Variants in KIF27 observed in about 807,000 individuals in gnomAD.
KIF27 encodes kinesin-like protein KIF27.
A neutral mutation model predicts 141.8 loss-of-function variants in KIF27; 84 were observed. The observed-to-expected ratio is 0.59, with a 90% CI of 0.50 to 0.71. KIF27 has a LOEUF of 0.71. KIF27 is among the 30% of genes least tolerant of loss of function. The pLI, the probability that KIF27 is intolerant of heterozygous loss-of-function variation, is 0.00. For missense variants in KIF27, 1,306 were observed against 1,628.4 expected, an observed-to-expected ratio of 0.80 and a Z score of 3.41; for synonymous variants, 471 against 569.5, an observed-to-expected ratio of 0.83 and a Z score of 2.46.
At chr9:83,855,131 T>TTTAA (rs1164116363) in intron 14 of KIF27, 1 of 151,952 alleles carries the variant, frequency 6.6e-6, no homozygotes, top group East Asian at 1.9e-4. Flanking sequence ...ACCTCTTGGG[T>TTTAA]TTAAGCAATT....
intron 2 of KIF27, 53 bp from the exon 3 acceptor site, chr9:83,908,705 T>C: frequency 9.1e-7 from 1 of 1,102,986 alleles, no homozygotes; most frequent in South Asian, 1.7e-5. Flanking sequence ...AAAGCAAAGC[T>C]ACAACCCCAA....
At chr9:83,861,421 T>C (rs1376204474) in intron 13 of KIF27, among the ~76,000 whole-genome samples, 1 of 150,534 alleles carries the variant, frequency 6.6e-6, no homozygotes, top group Non-Finnish European at 1.5e-5. Context: ...TGAGTGAGAA[T>C]ATGCGGTGTT....
At chr9:83,920,707 C>T (rs1420804524) in intron 1 of KIF27, among the ~76,000 whole-genome samples, 1 of 152,146 alleles carries the variant, frequency 6.6e-6, no homozygotes, top group East Asian at 1.9e-4. Context: ...ACACTGGAGA[C>T]TTAAAAGGTG....
intron 5 of KIF27, among the ~76,000 whole-genome samples, chr9:83,893,239 T>A (rs1391379463): frequency 8.5e-5 from 13 of 152,132 alleles, no homozygotes; most frequent in Admixed American, 4.6e-4. Context: ...TCTGTCATAG[T>A]GGGAGATTTT....
chr9:83,901,317 T>C (rs1953865205), intron 4 of KIF27, among the ~76,000 whole-genome samples: 1 of 152,196 alleles, frequency 6.6e-6, no homozygotes, highest in South Asian at 2.1e-4. Context: ...TCAAATCTCA[T>C]ATTTCAAGTA....
At position 83,899,736 on chromosome 9, in the gene KIF27, T is replaced by G; in HGVS notation, c.1527A>C (p.Gln509His). The change falls in exon 5 of 18, where the codon CAA (glutamine) becomes CAC (histidine). Residue 509 changes from glutamine (Q) to histidine (H), a missense_variant. By Grantham distance (24) the Gln-to-His change is conservative. Around this residue, in one of 4 missense-constraint regions of KIF27, gnomAD observed 29 missense variants for 60.3 expected, o/e 0.48. Transcript: ENST00000297814. ...KELEVKELKN[Q>H]VQMMVQENKG... Reference sequence around the variant, plus strand: ...TGTTTTCCTGTACCATCATCTGCACTTGATTCTTCAGTTCCTTCACCTCCA... The same window carrying G: ...TGTTTTCCTGTACCATCATCTGCACGTGATTCTTCAGTTCCTTCACCTCCA... The G allele has an allele frequency of 3.1e-6, 5 of 1,613,602 alleles. No individual in the cohort carries two copies. The highest frequency in any genetic ancestry group is 4.2e-6 in the Non-Finnish European group (5 of 1,179,602).
chr9:83,867,492 C>T (rs1248610074), intron 13 of KIF27, among the ~76,000 whole-genome samples, 192 bp downstream of exon 13: 1 of 127,986 alleles, frequency 7.8e-6, no homozygotes, highest in African/African-American at 2.9e-5. Context: ...TAAGTTTAGC[C>T]TTTTGAGGAA....
intron 3 of KIF27, among the ~76,000 whole-genome samples, chr9:83,906,426 A>G (rs1362574789): frequency 6.6e-6 from 1 of 152,000 alleles, no homozygotes; most frequent in East Asian, 1.9e-4. Flanking sequence ...TCCACTAAAT[A>G]TGGTTTTTAG....
At chr9:83,897,166 T>C (rs1037622558) in intron 5 of KIF27, among the ~76,000 whole-genome samples, 1 of 149,772 alleles carries the variant, frequency 6.7e-6, no homozygotes, top group African/African-American at 2.4e-5. Context: ...ATCTGGGGAG[T>C]GGGGAGGGAA....
intron 1 of KIF27, among the ~76,000 whole-genome samples, chr9:83,918,344 A>G (rs1588352569): frequency 2.7e-4 from 30 of 110,888 alleles, no homozygotes; most frequent in African/African-American, 4.9e-4. Context: ...CAGGACAGGG[A>G]GGGAGAGGAG....
chr9:83,898,687 C>T (rs1588233962), intron 5 of KIF27: 1 of 152,220 alleles, frequency 6.6e-6, no homozygotes, highest in African/African-American at 2.4e-5. Flanking sequence ...CATGGTGGCT[C>T]ATACCTGTAA....
chr9:83,868,374 G>C (rs1053304495), intron 12 of KIF27: 6 of 152,266 alleles, frequency 3.9e-5, no homozygotes, highest in African/African-American at 1.4e-4. Flanking sequence ...GATTCAGTCA[G>C]TCAATGAAGT....
intron 10 of KIF27, among the ~76,000 whole-genome samples, chr9:83,882,419 G>A (rs13290882): frequency 0.32 from 48,851 of 151,980 alleles, 8,667 homozygotes; most frequent in African/African-American, 0.48. Context: ...CACCACTATG[G>A]GACTCTGACT....
chr9:83,901,695 A>C (rs1953912559), intron 4 of KIF27, among the ~76,000 whole-genome samples: 1 of 152,168 alleles, frequency 6.6e-6, no homozygotes, highest in Admixed American at 6.5e-5. Flanking sequence ...CAACATGGTG[A>C]AACCCCGTCT....
intron 5 of KIF27, among the ~76,000 whole-genome samples, chr9:83,896,621 C>G (rs1253879104): frequency 6.6e-6 from 1 of 152,118 alleles, no homozygotes; most frequent in African/African-American, 2.4e-5. Flanking sequence ...TTAGGAGACT[C>G]AATCAAAATA....
At chr9:83,883,091 T>C (rs1229257943) in intron 10 of KIF27, among the ~76,000 whole-genome samples, 1 of 151,952 alleles carries the variant, frequency 6.6e-6, no homozygotes, top group Non-Finnish European at 1.5e-5. Context: ...ATAATAATAA[T>C]AATGCTGTGA....
rs1945664167 is a variant in KIF27 at position 83,835,014 on chromosome 9, A to C, written c.*1987T>G. 6.7e-6 allele frequency among the ~76,000 whole-genome samples: 1 copy of C among 148,222 alleles called. No individual in the cohort carries two copies. On this transcript the variant is annotated 3_prime_UTR_variant, in exon 18 of 18. Transcript: ENST00000297814. ...ACAAAGCACAGCAATAATATATTTA[A>C]ATAAATATGTATTTATTAACAAAGA... is the stretch of plus-strand genomic sequence containing the variant.
At chr9:83,897,593 T>G (rs1296694433) in intron 5 of KIF27, among the ~76,000 whole-genome samples, 5 of 151,970 alleles carry the variant, frequency 3.3e-5, no homozygotes, top group Non-Finnish European at 7.4e-5. Context: ...CAAATACCAT[T>G]AACCATAAAG....
chr9:83,904,860 T>C (rs1954335825), intron 3 of KIF27, among the ~76,000 whole-genome samples: 1 of 151,860 alleles, frequency 6.6e-6, no homozygotes, highest in African/African-American at 2.4e-5. Context: ...AAAAATTCAA[T>C]ACAAATAAAG....
Sources: allele counts gnomAD v4.1 joint callset (sites outside exome capture counted in the v4.1 genomes callset), GRCh38; gene constraint gnomAD v4.1.1; regional missense constraint gnomAD v4.1.1; transcripts MANE v1.5; gene names NCBI Gene and HGNC (gene_info 2026-07-23, HGNC 2026-07-21).